The following PPDPFL variants were observed in gnomAD, a reference collection of about 807,000 sequenced individuals.
The protein encoded by PPDPFL is pancreatic progenitor cell differentiation and proliferation factor-like protein.
In PPDPFL, 12 loss-of-function variants were observed where a neutral mutation model predicts 12.6. That is an observed-to-expected ratio of 0.95 (90% CI 0.61 to 1.54). The LOEUF is 1.54. Among genes scored for constraint, PPDPFL ranks in the 40% most tolerant of loss-of-function variants. The pLI is 0.00. For synonymous variants in PPDPFL, 24 were observed against 32.7 expected (o/e 0.73, Z 0.91); for missense variants, 114 against 96.0 (o/e 1.19, Z -0.78).
At chr8:49,057,172 G>A (rs1808123643) in intron 1 of PPDPFL, among the ~76,000 whole-genome samples, 1 of 152,162 alleles carries the variant, frequency 6.6e-6, no homozygotes, top group Admixed American at 6.5e-5. Flanking sequence ...TATATGCATT[G>A]TTTTAGCGAA....
chr8:49,063,837 G>T (rs1000054243), intron 1 of PPDPFL, among the ~76,000 whole-genome samples: 1 of 152,174 alleles, frequency 6.6e-6, no homozygotes, highest in Non-Finnish European at 1.5e-5. Context: ...TCCCTGGATT[G>T]GGGGGAAGTC....
At chr8:49,054,384 T>A (rs893616946) in intron 1 of PPDPFL, 1 of 152,174 alleles carries the variant, frequency 6.6e-6, no homozygotes, top group Non-Finnish European at 1.5e-5. Context: ...ATATATTTTC[T>A]CTTCCTTATG....
rs1180741188 is a variant in PPDPFL at position 49,075,232 on chromosome 8, T to C, written c.*59T>C. ...GTTGGTAACGGTTGCCTGCCTTATG[T>C]AGCATGAACAGTTGATTCTGACAAT... On this transcript the variant is annotated 3_prime_UTR_variant, in exon 5 of 5. Transcript: ENST00000522267. 1.9e-6 allele frequency: 3 copies of C among 1,614,022 alleles called. No homozygotes were observed. The highest frequency in any genetic ancestry group is 4.5e-5 in the East Asian group (2 of 44,888).
chr8:49,067,632 C>T (rs1403049736), upstream of PPDPFL, among the ~76,000 whole-genome samples: 1 of 152,218 alleles, frequency 6.6e-6, no homozygotes, highest in Non-Finnish European at 1.5e-5. Flanking sequence ...CTATTTACTA[C>T]TGCATCCAAT....
At chr8:49,061,907 T>G (rs2129244015) in intron 1 of PPDPFL, among the ~76,000 whole-genome samples, 1 of 152,320 alleles carries the variant, frequency 6.6e-6, no homozygotes, top group South Asian at 2.1e-4. Flanking sequence ...ATTAAATTTT[T>G]TTGAATCACA....
intron 1 of PPDPFL, among the ~76,000 whole-genome samples, chr8:49,056,822 G>A (rs1254923913): frequency 6.6e-6 from 1 of 152,038 alleles, no homozygotes; most frequent in Non-Finnish European, 1.5e-5. Context: ...GTTATCCTTT[G>A]GTATTTTTTA....
intron 1 of PPDPFL, 68 bp from the exon 2 acceptor site, chr8:49,072,719 C>G: frequency 4.4e-6 from 3 of 675,010 alleles, no homozygotes; most frequent in Non-Finnish European, 7.5e-6. Flanking sequence ...GTAACAGTCA[C>G]GTGGAAAAAA....
chr8:49,054,675 A>G (rs1023622578), intron 1 of PPDPFL, among the ~76,000 whole-genome samples: 2 of 151,882 alleles, frequency 1.3e-5, no homozygotes, highest in African/African-American at 2.4e-5. Context: ...GTGTGTGTGT[A>G]TACTCTTACA....
At chr8:49,072,558 A>G in intron 1 of PPDPFL, 76 bp downstream of exon 1, 1 of 287,924 alleles carries the variant, frequency 3.5e-6, no homozygotes, top group South Asian at 5.8e-5. Flanking sequence ...AGTTCTGTGC[A>G]TTGTGTATAG....
At chr8:49,055,626 G>T (rs1808100988) in intron 1 of PPDPFL, among the ~76,000 whole-genome samples, 1 of 152,042 alleles carries the variant, frequency 6.6e-6, no homozygotes, top group Non-Finnish European at 1.5e-5. Flanking sequence ...TAAATGCCAG[G>T]TCTTGCATCT....
At chr8:49,067,810 T>A (rs150596627), upstream of PPDPFL, among the ~76,000 whole-genome samples, 2 of 152,226 alleles carry the variant, frequency 1.3e-5, no homozygotes, top group East Asian at 1.9e-4. Context: ...TGAACAGGAG[T>A]GTGCAGAGGA....
At position 49,075,334 on chromosome 8, in the gene PPDPFL, T is replaced by A; in HGVS notation, c.*161T>A. ...CGCCCCAGCTATTCCAGGACTCTTC[T>A]CCATTGTAAGAAGACAGAAATGTGT... is the stretch of plus-strand genomic sequence containing the variant. On this transcript the variant is annotated 3_prime_UTR_variant, in exon 5 of 5. Coordinates refer to ENST00000522267, the MANE Select transcript of PPDPFL (RefSeq NM_001256597.2). 1 of 1,429,634 alleles carries A rather than the reference T, an allele frequency of 7.0e-7. No individual in the cohort carries two copies. Among genetic ancestry groups the A allele is most frequent in the Non-Finnish European group, 9.9e-7 (1 of 1,012,428 alleles). The allele number at this position is 1,429,634 out of a possible 1,614,324, so 88.6% of individuals were successfully genotyped here. A position where few individuals can be genotyped will look rare whatever the true frequency, so the allele number is the denominator to read the frequency against.
chr8:49,071,668 A>C (rs1428093141), upstream of PPDPFL, among the ~76,000 whole-genome samples: 1 of 152,126 alleles, frequency 6.6e-6, no homozygotes, highest in Non-Finnish European at 1.5e-5. Flanking sequence ...GAAAAGAAAA[A>C]AAAAAGGGCA....
Position 49,074,123 on chromosome 8 carries a change from C to T in PPDPFL, c.120C>T (p.Asp40=), listed in dbSNP as rs765054262. The T allele has an allele frequency of 3.1e-6, 5 of 1,611,936 alleles. No individual in the cohort carries two copies. In the African/African-American group the frequency reaches 5.3e-5, roughly 17 times the overall value. ...SSDSVNFIDD[D]KPQQGLPEVA... is the part of the protein sequence containing the mutation. The stretch of plus-strand genomic sequence containing the variant: ...ATTCTGTTAACTTCATAGATGACGA[C>T]AAACCACAGCAAGGTACTTAGTTAT... Residue 40 remains aspartate (D), a synonymous_variant, in exon 3 of 5, where the codon GAC becomes GAT. Transcript: ENST00000522267.
chr8:49,069,834 C>T (rs1287790708), upstream of PPDPFL, among the ~76,000 whole-genome samples: 1 of 152,160 alleles, frequency 6.6e-6, no homozygotes, highest in Non-Finnish European at 1.5e-5. Flanking sequence ...ACTCAGGAGG[C>T]TGAGGCAGGA....
intron 4 of PPDPFL, 85 bp downstream of exon 4, chr8:49,074,418 G>C: frequency 2.5e-6 from 4 of 1,570,390 alleles, no homozygotes; most frequent in South Asian, 1.1e-5. Context: ...TACTCACTTA[G>C]GGTACATAGT....
intron 1 of PPDPFL, among the ~76,000 whole-genome samples, chr8:49,066,000 G>A (rs1029913108): frequency 2.0e-5 from 3 of 152,176 alleles, no homozygotes; most frequent in Admixed American, 6.5e-5. Context: ...TCACAGTGTA[G>A]CTTCTTCCAA....
intron 1 of PPDPFL, among the ~76,000 whole-genome samples, chr8:49,060,791 A>G (rs1585670486): frequency 1.3e-5 from 2 of 152,290 alleles, no homozygotes; most frequent in East Asian, 1.9e-4. Context: ...AATGGAAGAT[A>G]TTTTATAAAA....
chr8:49,055,218 C>T (rs1808094610), intron 1 of PPDPFL, among the ~76,000 whole-genome samples: 2 of 147,634 alleles, frequency 1.4e-5, no homozygotes, highest in Admixed American at 6.8e-5. Flanking sequence ...TTGCTACAGT[C>T]TTATTGAAAG....
Sources: gnomAD v4.1 joint callset for allele counts (sites outside exome capture counted in the v4.1 genomes callset) on GRCh38, gnomAD v4.1.1 for gene constraint, MANE v1.5 for transcripts, NCBI Gene and HGNC (gene_info 2026-07-23, HGNC 2026-07-21) for gene names.